The following CFAP20DC variants were observed in gnomAD, a reference collection of about 807,000 sequenced individuals.
CFAP20DC encodes protein CFAP20DC.
In CFAP20DC, 84 loss-of-function variants were observed where a neutral mutation model predicts 101.7. The observed-to-expected ratio is 0.83, with a 90% CI of 0.69 to 0.99. CFAP20DC has a LOEUF of 0.99. Ranked by LOEUF, CFAP20DC falls within the 50% of genes least tolerant of loss-of-function variation. CFAP20DC has a pLI of 0.00. For missense variants in CFAP20DC, 1,007 were observed against 970.3 expected (o/e 1.04, Z -0.50); for synonymous variants, 359 against 351.2 (o/e 1.02, Z -0.25).
At chr3:58,976,321 A>T (rs1257553929) in intron 4 of CFAP20DC, among the ~76,000 whole-genome samples, 1 of 152,224 alleles carries the variant, frequency 6.6e-6, no homozygotes, top group African/African-American at 2.4e-5. Context: ...GGATCAAGGA[A>T]TACTGGATGG....
At chr3:58,753,060 T>A (rs1431498577) in intron 16 of CFAP20DC, among the ~76,000 whole-genome samples, 1 of 152,148 alleles carries the variant, frequency 6.6e-6, no homozygotes, top group Admixed American at 6.6e-5. Flanking sequence ...GAGATTCTCT[T>A]ATGTTCCTCT....
chr3:58,823,483 C>T (rs2075830612), intron 14 of CFAP20DC, among the ~76,000 whole-genome samples: 1 of 152,098 alleles, frequency 6.6e-6, no homozygotes, highest in Admixed American at 6.6e-5. Flanking sequence ...AGTACTTATG[C>T]TAATTCTTGG....
At chr3:58,886,329 T>A (rs1320758321) in intron 6 of CFAP20DC, among the ~76,000 whole-genome samples, 1 of 152,100 alleles carries the variant, frequency 6.6e-6, no homozygotes, top group African/African-American at 2.4e-5. Context: ...AAATTGAATT[T>A]ATGAAGATGT....
intron 4 of CFAP20DC, among the ~76,000 whole-genome samples, chr3:59,022,678 A>C (rs1355083555): frequency 2.0e-5 from 3 of 152,122 alleles, no homozygotes; most frequent in Non-Finnish European, 4.4e-5. Context: ...AGAATTTCAC[A>C]TTACTGTCAT....
In CFAP20DC at chr3:59,007,671, C is replaced by T. The variant is rs770233552; in HGVS notation, c.278+31886G>A. Among the ~76,000 whole-genome samples, 50 of 152,168 alleles carry T rather than the reference C, an allele frequency of 3.3e-4. No homozygotes were observed. Among genetic ancestry groups the T allele is most frequent in the Admixed American group, 2.4e-3 (37 of 15,284 alleles). On this transcript the variant is annotated intron_variant, in intron 4 of 16. Transcript: ENST00000482387. This position sits in a 1 kb window ranked among gnomAD's most constrained non-coding sequence, Gnocchi z 4.4. Reference sequence around the variant, plus strand: ...CTGGTATCATGGCTGGGAGACCTGACGACAGATCACATCACAGGACTCTTT... The same window carrying T: ...CTGGTATCATGGCTGGGAGACCTGATGACAGATCACATCACAGGACTCTTT...
At chr3:58,928,717 T>A (rs2086253652) in intron 5 of CFAP20DC, among the ~76,000 whole-genome samples, 1 of 152,170 alleles carries the variant, frequency 6.6e-6, no homozygotes, top group East Asian at 1.9e-4. Context: ...AAATGCCCTA[T>A]CTGTTTCTTA....
chr3:58,972,601 G>A (rs546561579), intron 4 of CFAP20DC, among the ~76,000 whole-genome samples: 2 of 152,074 alleles, frequency 1.3e-5, no homozygotes, highest in Admixed American at 6.6e-5. Flanking sequence ...CTTCTAATTT[G>A]AATTAGGCTG....
chr3:58,733,015 G>A (rs147718742), intron 3 of CFAP20DC, among the ~76,000 whole-genome samples: 5 of 152,170 alleles, frequency 3.3e-5, no homozygotes, highest in East Asian at 1.9e-4. Flanking sequence ...ACGGGGAAGA[G>A]AGCCAGTCTG....
rs2084413034 is a variant in CFAP20DC at position 58,913,926 on chromosome 3, A to G, written c.394-62T>C. 6.5e-7 allele frequency: 1 copy of G among 1,543,804 alleles called. No individual in the cohort carries two copies. Among genetic ancestry groups the G allele is most frequent in the African/African-American group, 1.4e-5 (1 of 73,396 alleles). On this transcript the variant is annotated intron_variant, in intron 5 of 16. Coordinates refer to ENST00000482387, the MANE Select transcript of CFAP20DC (RefSeq NM_001394063.1). The surrounding 1 kb of genome is among the most constrained non-coding windows in gnomAD (Gnocchi z 4.4). ...TCATCAACACATAAATGAACAAACC[A>G]TCTATATGTAGACATTCAAAGAGTT...
chr3:58,744,972 T>C (rs79409695), intron 16 of CFAP20DC, among the ~76,000 whole-genome samples: 2,203 of 152,240 alleles, frequency 0.014, 81 homozygotes, highest in East Asian at 0.11. Context: ...TGCAGCAGTT[T>C]ATATCTTTGA....
At chr3:59,013,744 A>G (rs1481866087) in intron 4 of CFAP20DC, among the ~76,000 whole-genome samples, 1 of 152,166 alleles carries the variant, frequency 6.6e-6, no homozygotes, top group Non-Finnish European at 1.5e-5. Flanking sequence ...TGTTATTGCA[A>G]AGAGGTAACA....
intron 4 of CFAP20DC, among the ~76,000 whole-genome samples, chr3:58,946,880 G>A (rs572911779): frequency 2.0e-5 from 3 of 152,254 alleles, no homozygotes; most frequent in African/African-American, 7.2e-5. Flanking sequence ...CCTACCATGT[G>A]CCAGAACCTG....
chr3:58,998,858 T>G lies in CFAP20DC; in HGVS notation c.278+40699A>C, dbSNP rs545260084. ...GAAATAAATGCTAGCCATTAAAAATTATGGAGACTTGTGGATTATTTGGTA... is the reference window on the plus strand; with the variant it reads ...GAAATAAATGCTAGCCATTAAAAATGATGGAGACTTGTGGATTATTTGGTA... On this transcript the variant is annotated intron_variant, in intron 4 of 16. Transcript: ENST00000482387. 5.3e-5 allele frequency among the ~76,000 whole-genome samples: 8 copies of G among 152,298 alleles called. No homozygotes were observed. The East Asian group carries it at 1.5e-3, about 29-fold the overall frequency.
At chr3:58,984,166 C>T (rs2092677728) in intron 4 of CFAP20DC, among the ~76,000 whole-genome samples, 1 of 152,178 alleles carries the variant, frequency 6.6e-6, no homozygotes. Context: ...ATCCTGCTTA[C>T]TAAAATTAAA....
intron 6 of CFAP20DC, among the ~76,000 whole-genome samples, chr3:58,887,923 A>G (rs1447989083): frequency 1.3e-5 from 2 of 152,212 alleles, no homozygotes; most frequent in African/African-American, 4.8e-5. Flanking sequence ...TTTCTCTGAG[A>G]TTTCATGGTG....
intron 4 of CFAP20DC, among the ~76,000 whole-genome samples, chr3:58,995,476 GA>G (rs202046306): frequency 1.2e-4 from 18 of 151,624 alleles, no homozygotes; most frequent in African/African-American, 4.1e-4. Context: ...ATTTTGAGTA[GA>G]AAAAAATCTT....
chr3:58,737,695 G>A (rs1161585530), downstream of CFAP20DC, among the ~76,000 whole-genome samples: 1 of 152,142 alleles, frequency 6.6e-6, no homozygotes, highest in Non-Finnish European at 1.5e-5. This position sits in a 1 kb window ranked among gnomAD's most constrained non-coding sequence, Gnocchi z 4.1. Context: ...TTAACATTTA[G>A]TGGAAGTTCT....
intron 5 of CFAP20DC, among the ~76,000 whole-genome samples, chr3:58,928,713 CCTAT>C (rs1200211197): frequency 4.6e-5 from 7 of 152,146 alleles, no homozygotes; most frequent in South Asian, 2.1e-4. Context: ...AAACAAATGC[CCTAT>C]CTGTTTCTTA....
Position 59,002,781 on chromosome 3 carries a change from G to C in CFAP20DC, c.278+36776C>G, listed in dbSNP as rs1346167039. ...AGTAAATATAAAAAAGAGAGCATTT[G>C]TGACCTTCTTTTAACAAGAACTAGT... On this transcript the variant is annotated intron_variant, in intron 4 of 16. Coordinates refer to ENST00000482387, the MANE Select transcript of CFAP20DC (RefSeq NM_001394063.1). The surrounding 1 kb of genome is among the most constrained non-coding windows in gnomAD (Gnocchi z 4.5). Among the ~76,000 whole-genome samples the C allele has an allele frequency of 6.6e-6, 1 of 152,174 alleles. No homozygotes were observed.
Sources: allele counts gnomAD v4.1 joint callset (sites outside exome capture counted in the v4.1 genomes callset), GRCh38; gene constraint gnomAD v4.1.1; non-coding constraint Gnocchi (gnomAD v3.1); transcripts MANE v1.5; gene names NCBI Gene and HGNC (gene_info 2026-07-23, HGNC 2026-07-21).